The following FRMD3 variants were observed in gnomAD, a reference collection of about 807,000 sequenced individuals.
FRMD3 encodes the protein FERM domain-containing protein 3.
Under a neutral mutation model 70.2 loss-of-function variants are expected in FRMD3, and 33 were observed. The observed-to-expected ratio is 0.47, with a 90% CI of 0.36 to 0.63. The LOEUF (loss-of-function observed/expected upper bound fraction) is 0.63, where lower values mean the gene tolerates loss of function less well. FRMD3 is among the 20% of genes least tolerant of loss of function. FRMD3 has a pLI of 0.00. For synonymous variants in FRMD3, 279 were observed against 255.9 expected (o/e 1.09, Z -0.86); for missense variants, 632 against 711.4 (o/e 0.89, Z 1.27).
intron 1 of FRMD3, among the ~76,000 whole-genome samples, chr9:83,466,081 C>T (rs115223749): frequency 0.019 from 2,930 of 152,248 alleles, 95 homozygotes; most frequent in African/African-American, 0.065. Flanking sequence ...ACAACATGAG[C>T]ACCATGAGCA....
At chr9:83,471,715 C>T (rs1202441052) in intron 1 of FRMD3, among the ~76,000 whole-genome samples, 2 of 152,164 alleles carry the variant, frequency 1.3e-5, no homozygotes, top group Admixed American at 1.3e-4. Context: ...TCTGAGAAGA[C>T]CTGGGAGGTT....
the FRMD3 span, among the ~76,000 whole-genome samples, chr9:83,554,823 G>T: frequency 6.6e-6 from 1 of 152,178 alleles, no homozygotes; most frequent in African/African-American, 2.4e-5. Flanking sequence ...CTGGTGAGGA[G>T]ATATGGGATC....
At chr9:83,347,610 T>G (rs1824005438) in intron 4 of FRMD3, among the ~76,000 whole-genome samples, 1 of 152,234 alleles carries the variant, frequency 6.6e-6, no homozygotes, top group Non-Finnish European at 1.5e-5. Flanking sequence ...GTGGTTATTT[T>G]TATTATTTTG....
chr9:83,518,359 A>C (rs1357409862), intron 1 of FRMD3, among the ~76,000 whole-genome samples: 2 of 152,214 alleles, frequency 1.3e-5, no homozygotes, highest in African/African-American at 4.8e-5. Context: ...ACAAACTGAG[A>C]GCCAAATCAT....
chr9:83,495,772 C>T (rs1430866053), intron 1 of FRMD3, among the ~76,000 whole-genome samples: 1 of 152,150 alleles, frequency 6.6e-6, no homozygotes, highest in Non-Finnish European at 1.5e-5. Context: ...CTATTTGAAA[C>T]AGTATTTTTT....
At chr9:83,244,308 CCTAT>C (rs555661425), downstream of FRMD3, among the ~76,000 whole-genome samples, 167 of 147,056 alleles carry the variant, frequency 1.1e-3, no homozygotes, top group African/African-American at 1.9e-3. Context: ...AATCCATGCT[CCTAT>C]CTGTCAGTCA....
the FRMD3 span, among the ~76,000 whole-genome samples, chr9:83,557,969 A>G: frequency 2.6e-5 from 4 of 152,236 alleles, no homozygotes; most frequent in African/African-American, 9.6e-5. Context: ...TAAAATGGTG[A>G]ATCTAACAAA....
In FRMD3 at chr9:83,430,661, A is replaced by C. The variant is rs186579395; in HGVS notation, c.148-40953T>G. On this transcript the variant is annotated intron_variant, in intron 1 of 13. Transcript: ENST00000304195. Reference sequence around the variant, plus strand: ...ATTTCACACCAACGAGCCAGCAAACATTCACCTATCTTTTTCACTCTAAAG... The same window carrying C: ...ATTTCACACCAACGAGCCAGCAAACCTTCACCTATCTTTTTCACTCTAAAG... Among the ~76,000 whole-genome samples the C allele has an allele frequency of 3.9e-3, 598 of 152,298 alleles. 3 individuals carry two copies. Among genetic ancestry groups the C allele is most frequent in the Middle Eastern group, 0.01 (3 of 294 alleles).
chr9:83,369,235 A>G (rs1824890430), intron 3 of FRMD3, among the ~76,000 whole-genome samples: 1 of 152,196 alleles, frequency 6.6e-6, no homozygotes, highest in South Asian at 2.1e-4. Flanking sequence ...ACACTTTACA[A>G]TAGCAAAATA....
At chr9:83,389,554 C>A in intron 2 of FRMD3, 50 bp downstream of exon 2, 2 of 1,218,338 alleles carry the variant, frequency 1.6e-6, no homozygotes, top group South Asian at 2.4e-5. Context: ...CAGTGCACCA[C>A]AGTCTGGGTC....
At chr9:83,508,771 T>A (rs1587496583) in intron 1 of FRMD3, among the ~76,000 whole-genome samples, 2 of 152,176 alleles carry the variant, frequency 1.3e-5, no homozygotes, top group African/African-American at 4.8e-5. Flanking sequence ...CTTCACCTAT[T>A]TCTGAAAATC....
At chr9:83,573,802 T>C in the FRMD3 span, among the ~76,000 whole-genome samples, 2 of 151,352 alleles carry the variant, frequency 1.3e-5, no homozygotes, top group African/African-American at 4.9e-5. Context: ...CCCATAGCAT[T>C]CCCAGCTTGA....
chr9:83,578,359 A>G, the FRMD3 span, among the ~76,000 whole-genome samples: 11 of 151,998 alleles, frequency 7.2e-5, no homozygotes, highest in African/African-American at 2.7e-4. Flanking sequence ...TACCAACGTC[A>G]GACAAGGATA....
At chr9:83,475,521 C>G (rs1304669440) in intron 1 of FRMD3, among the ~76,000 whole-genome samples, 1 of 151,968 alleles carries the variant, frequency 6.6e-6, no homozygotes, top group Non-Finnish European at 1.5e-5. Context: ...AAAGGGAACT[C>G]ATATGTATTG....
the FRMD3 span, among the ~76,000 whole-genome samples, chr9:83,557,775 A>G: frequency 2.0e-5 from 3 of 152,216 alleles, no homozygotes; most frequent in Admixed American, 2.0e-4. Flanking sequence ...AATATGATGG[A>G]AACACTGCAG....
rs574924650 is a variant in FRMD3 at position 83,464,782 on chromosome 9, G to A, written c.147+73303C>T. Among the ~76,000 whole-genome samples, 9 of 152,226 alleles carry A rather than the reference G, an allele frequency of 5.9e-5. 1 individual carries two copies. Among genetic ancestry groups the A allele is most frequent in the East Asian group, 1.9e-4 (1 of 5,166 alleles). On this transcript the variant is annotated intron_variant, in intron 1 of 13. Transcript: ENST00000304195. ...ACATGTAATCCCAGCACTTTGGGAC[G>A]CCAAGGTGGGCGGACCACTTGAGGT...
At chr9:83,390,207 A>G (rs574892781) in intron 1 of FRMD3, among the ~76,000 whole-genome samples, 1 of 152,324 alleles carries the variant, frequency 6.6e-6, no homozygotes, top group South Asian at 2.1e-4. Context: ...GACTTGCCCA[A>G]AGTCACACAA....
chr9:83,362,448 T>C (rs764278212), intron 3 of FRMD3, among the ~76,000 whole-genome samples: 2 of 152,214 alleles, frequency 1.3e-5, no homozygotes, highest in Non-Finnish European at 2.9e-5. Context: ...ACTGCTATTA[T>C]GGCTGAGTTG....
intron 1 of FRMD3, among the ~76,000 whole-genome samples, chr9:83,457,613 T>C (rs1250739255): frequency 6.6e-6 from 1 of 152,234 alleles, no homozygotes; most frequent in Non-Finnish European, 1.5e-5. Flanking sequence ...ATGTAAATAG[T>C]TGTTATACAG....
Sources: gnomAD v4.1 joint callset for allele counts (sites outside exome capture counted in the v4.1 genomes callset) on GRCh38, gnomAD v4.1.1 for gene constraint, MANE v1.5 for transcripts, NCBI Gene and HGNC (gene_info 2026-07-23, HGNC 2026-07-21) for gene names.